EVI5: variants seen among roughly 807,000 people sequenced by gnomAD.
EVI5 encodes ecotropic viral integration site 5.
A neutral mutation model predicts 112.0 loss-of-function variants in EVI5; 73 were observed. The observed-to-expected ratio is 0.65, with a 90% CI of 0.54 to 0.79. The LOEUF (loss-of-function observed/expected upper bound fraction) is 0.79, where lower values mean the gene tolerates loss of function less well. Ranked by LOEUF, EVI5 falls within the 30% of genes least tolerant of loss-of-function variation. The pLI is 0.00. For synonymous variants in EVI5, 305 were observed against 319.9 expected, an observed-to-expected ratio of 0.95 and a Z score of 0.50; for missense variants, 900 against 968.8, an observed-to-expected ratio of 0.93 and a Z score of 0.94.
chr1:92,531,839 A>G (rs542423638), intron 19 of EVI5, among the ~76,000 whole-genome samples: 1 of 152,354 alleles, frequency 6.6e-6, no homozygotes, highest in African/African-American at 2.4e-5. Flanking sequence ...AAAACATACC[A>G]AATTGTAAAG....
intron 2 of EVI5, among the ~76,000 whole-genome samples, chr1:92,712,215 A>G (rs1400905026): frequency 1.3e-5 from 2 of 152,220 alleles, no homozygotes; most frequent in Non-Finnish European, 2.9e-5. Flanking sequence ...GTCTCAGAGC[A>G]ATAGAAATAC....
intron 19 of EVI5, among the ~76,000 whole-genome samples, chr1:92,555,843 C>T (rs1372255279): frequency 1.8e-4 from 15 of 85,230 alleles, no homozygotes; most frequent in Non-Finnish European, 2.8e-4. Flanking sequence ...GAGTGAAACT[C>T]GTCTCAAAAA....
chr1:92,556,818 AT>A (rs941126310), intron 19 of EVI5, among the ~76,000 whole-genome samples: 6 of 148,212 alleles, frequency 4.0e-5, no homozygotes, highest in African/African-American at 7.4e-5. Flanking sequence ...TTACCCTTTT[AT>A]TTTTTTTTTA....
intron 13 of EVI5, among the ~76,000 whole-genome samples, chr1:92,656,024 A>G (rs774375009): frequency 2.6e-5 from 4 of 152,230 alleles, no homozygotes; most frequent in Non-Finnish European, 5.9e-5. Flanking sequence ...AAATCAACAA[A>G]GAAATACTGG....
chr1:92,760,072 A>G (rs1011330328), intron 1 of EVI5, among the ~76,000 whole-genome samples: 1 of 152,160 alleles, frequency 6.6e-6, no homozygotes, highest in Non-Finnish European at 1.5e-5. Flanking sequence ...TCAATATAAG[A>G]CATTAACTTT....
Position 92,551,040 on chromosome 1 carries a change from C to CTTTTTTTT in EVI5, c.2166+12594_2166+12601dup, listed in dbSNP as rs55898086. On this transcript the variant is annotated intron_variant, in intron 19 of 19. Coordinates refer to ENST00000684568, the MANE Select transcript of EVI5 (RefSeq NM_001350197.2). ...TCTTTTTTCTTTTCTTTCTTTCTTT[C>CTTTTTTTT]TTTTTTTTTTTTTTTTTTTTGAGAC... Among the ~76,000 whole-genome samples, 176 of 80,716 alleles carry CTTTTTTTT rather than the reference C, an allele frequency of 2.2e-3. 4 individuals are homozygous for CTTTTTTTT. Among genetic ancestry groups the CTTTTTTTT allele is most frequent in the East Asian group, 8.8e-3 (19 of 2,164 alleles). The allele number at this position is 80,716 out of a possible 152,430, so 53.0% of individuals were successfully genotyped here.
At position 92,605,344 on chromosome 1, in the gene EVI5, G is replaced by T; in HGVS notation, c.2033C>A (p.Ala678Asp). Residue 678 changes from alanine (A) to aspartate (D), a missense_variant, in exon 18 of 20, where the codon GCT becomes GAT. Coordinates refer to ENST00000684568, the MANE Select transcript of EVI5 (RefSeq NM_001350197.2). ...LREADSIAAV[A>D]ELRQHIAELE... Reference sequence around the variant, plus strand: ...CTCAGCAATGTGTTGTCGTAGTTCAGCCACAGCAGCTATGCTATCTGCTTC... The same window carrying T: ...CTCAGCAATGTGTTGTCGTAGTTCATCCACAGCAGCTATGCTATCTGCTTC... The T allele has an allele frequency of 1.2e-6, 2 of 1,613,388 alleles. No individual in the cohort carries two copies. The highest frequency in any genetic ancestry group is 2.2e-5 in the South Asian group (2 of 91,074).
chr1:92,622,208 G>T, intron 16 of EVI5: 1 of 297,658 alleles, frequency 3.4e-6, no homozygotes. Flanking sequence ...ATCTCTATGT[G>T]ATCTACAGCA....
chr1:92,516,226 G>A (rs1659848308), intron 19 of EVI5, among the ~76,000 whole-genome samples: 1 of 152,100 alleles, frequency 6.6e-6, no homozygotes, highest in Non-Finnish European at 1.5e-5. Context: ...TGGAACATGT[G>A]TCTTCCTTCT....
At chr1:92,660,518 G>A (rs374190384) in intron 13 of EVI5, among the ~76,000 whole-genome samples, 36 of 152,128 alleles carry the variant, frequency 2.4e-4, no homozygotes, top group African/African-American at 8.2e-4. Context: ...TTGCACAGTA[G>A]AGTGACTATA....
chr1:92,613,854 G>T (rs1001615187), intron 16 of EVI5, among the ~76,000 whole-genome samples: 1 of 152,184 alleles, frequency 6.6e-6, no homozygotes. Flanking sequence ...GCCTCCCAAA[G>T]TGTTGGGGAT....
intron 1 of EVI5, among the ~76,000 whole-genome samples, chr1:92,790,600 A>G (rs951613547): frequency 6.6e-6 from 1 of 151,580 alleles, no homozygotes; most frequent in Non-Finnish European, 1.5e-5. Flanking sequence ...TTTCTACAAT[A>G]TGAATCTGAA....
chr1:92,784,754 G>T, intron 1 of EVI5, 82 bp downstream of exon 1: 1 of 943,428 alleles, frequency 1.1e-6, no homozygotes, highest in Non-Finnish European at 1.3e-6. Flanking sequence ...GCCGCGCCTC[G>T]GCCCAGCTGT....
At chr1:92,625,114 G>GA (rs796723241) in intron 15 of EVI5, among the ~76,000 whole-genome samples, 7 of 151,646 alleles carry the variant, frequency 4.6e-5, no homozygotes, top group Non-Finnish European at 1.0e-4. Context: ...CAATACATTA[G>GA]AAAAAAAATG....
intron 16 of EVI5, among the ~76,000 whole-genome samples, chr1:92,618,728 A>C (rs1242360650): frequency 2.0e-5 from 3 of 152,234 alleles, no homozygotes; most frequent in Non-Finnish European, 4.4e-5. Flanking sequence ...ACGGAAGGTT[A>C]GTCATTAATA....
chr1:92,705,789 A>G (rs938558721), intron 2 of EVI5, among the ~76,000 whole-genome samples: 3 of 152,230 alleles, frequency 2.0e-5, no homozygotes, highest in African/African-American at 7.2e-5. Context: ...TCATCTGCTT[A>G]GGCTACAACA....
chr1:92,678,179 T>C (rs575889793), intron 9 of EVI5, among the ~76,000 whole-genome samples: 3 of 152,222 alleles, frequency 2.0e-5, no homozygotes, highest in Admixed American at 1.3e-4. Context: ...GAAATACATA[T>C]GTGCATGTAC....
chr1:92,776,362 TACTG>T (rs1376434843), intron 1 of EVI5, among the ~76,000 whole-genome samples: 1 of 152,144 alleles, frequency 6.6e-6, no homozygotes, highest in African/African-American at 2.4e-5. Context: ...TTTGGGAAGC[TACTG>T]ACTTAGTGTT....
chr1:92,536,781 A>G (rs557550461), intron 19 of EVI5, among the ~76,000 whole-genome samples: 2 of 152,288 alleles, frequency 1.3e-5, no homozygotes, highest in South Asian at 4.1e-4. Context: ...GTGTGGCTAG[A>G]GGAGACAATG....
Sources: gnomAD v4.1 joint callset for allele counts (sites outside exome capture counted in the v4.1 genomes callset) on GRCh38, gnomAD v4.1.1 for gene constraint, MANE v1.5 for transcripts, NCBI Gene and HGNC (gene_info 2026-07-23, HGNC 2026-07-21) for gene names.